The following ANKS1B variants were observed in gnomAD, a reference collection of about 807,000 sequenced individuals.
The protein encoded by ANKS1B is ankyrin repeat and sterile alpha motif domain containing 1B, also known as ankyrin repeat and sterile alpha motif domain-containing protein 1B.
ANKS1B carries 36 observed loss-of-function variants against 148.3 expected under a neutral mutation model. That is an observed-to-expected ratio of 0.24 (90% CI 0.19 to 0.32). The LOEUF (loss-of-function observed/expected upper bound fraction) is 0.32. ANKS1B is among the 10% of genes least tolerant of loss of function. ANKS1B has a pLI of 1.00. For synonymous variants in ANKS1B, 542 were observed against 560.8 expected (o/e 0.97, Z 0.47); for missense variants, 1,157 against 1,542.6 (o/e 0.75, Z 4.19).
chr12:99,098,409 G>A (rs916873473), intron 15 of ANKS1B, among the ~76,000 whole-genome samples: 7 of 152,034 alleles, frequency 4.6e-5, no homozygotes, highest in African/African-American at 7.2e-5. Context: ...TTAATAAAAA[G>A]AAAAGGAATT....
chr12:98,991,525 GTTTAATTTTGACTGTC>G (rs1384860929), intron 17 of ANKS1B, among the ~76,000 whole-genome samples: 1 of 152,154 alleles, frequency 6.6e-6, no homozygotes, highest in Non-Finnish European at 1.5e-5. Flanking sequence ...ACCATGTAAT[GTTTAATTTTGACTGTC>G]TTGCAAACGA....
At chr12:99,449,341 T>A (rs906760190) in intron 10 of ANKS1B, among the ~76,000 whole-genome samples, 4 of 152,160 alleles carry the variant, frequency 2.6e-5, no homozygotes, top group African/African-American at 9.6e-5. Context: ...TTCAACCTGT[T>A]GTTACAAGAT....
At chr12:99,697,309 A>T (rs2054085391) in intron 8 of ANKS1B, among the ~76,000 whole-genome samples, 1 of 152,320 alleles carries the variant, frequency 6.6e-6, no homozygotes, top group Non-Finnish European at 1.5e-5. Context: ...TTTATTCATA[A>T]TTACCCAAAC....
At chr12:99,024,578 T>A (rs925675528) in intron 17 of ANKS1B, among the ~76,000 whole-genome samples, 1 of 152,240 alleles carries the variant, frequency 6.6e-6, no homozygotes, top group Non-Finnish European at 1.5e-5. Context: ...ATATTTTGCA[T>A]CTTTTGCTGA....
At chr12:99,518,214 T>C (rs2096841348) in intron 9 of ANKS1B, among the ~76,000 whole-genome samples, 1 of 152,126 alleles carries the variant, frequency 6.6e-6, no homozygotes, top group African/African-American at 2.4e-5. Context: ...GGTATCAGGG[T>C]AATGCTGGTC....
intron 1 of ANKS1B, among the ~76,000 whole-genome samples, chr12:99,870,461 G>GT (rs1565897470): frequency 6.6e-6 from 1 of 152,166 alleles, no homozygotes; most frequent in East Asian, 1.9e-4. Context: ...ACCCAGTAAT[G>GT]TGATTGTTGA....
chr12:99,845,235 G>A (rs4614560), intron 1 of ANKS1B, among the ~76,000 whole-genome samples: 9,529 of 152,082 alleles, frequency 0.063, 333 homozygotes, highest in Middle Eastern at 0.15. Context: ...TTCTTTTGCC[G>A]GATTGCCCTG....
At chr12:99,799,952 G>C (rs115433131) in intron 4 of ANKS1B, among the ~76,000 whole-genome samples, 2,125 of 152,174 alleles carry the variant, frequency 0.014, 57 homozygotes, top group African/African-American at 0.049. Context: ...AAAACCAATA[G>C]AAGTGTTTTT....
intron 1 of ANKS1B, among the ~76,000 whole-genome samples, chr12:99,935,052 TA>T (rs575599111): frequency 1.4e-3 from 212 of 149,620 alleles, no homozygotes; most frequent in African/African-American, 5.1e-3. Context: ...ATAAATAAAT[TA>T]AAAAGCATAA....
At chr12:99,010,760 A>AT (rs970348105) in intron 17 of ANKS1B, among the ~76,000 whole-genome samples, 2 of 132,714 alleles carry the variant, frequency 1.5e-5, no homozygotes, top group Admixed American at 7.9e-5. Flanking sequence ...TATTATTATT[A>AT]TTTTTTTTTG....
chr12:99,477,370 G>A (rs1267515012), intron 10 of ANKS1B, among the ~76,000 whole-genome samples: 1 of 152,056 alleles, frequency 6.6e-6, no homozygotes, highest in East Asian at 1.9e-4. Context: ...CTCATTCAGA[G>A]GTCACTTTGG....
rs569956208 is a variant in ANKS1B at position 99,681,054 on chromosome 12, C to T, written c.1129-25844G>A. On this transcript the variant is annotated intron_variant, in intron 8 of 26. Transcript: ENST00000683438. Reference sequence around the variant, plus strand: ...ACCCGGCCTCCACTTGATGATTTTTCTCCACCTGCCCTGGTAGCCAAAGAC... The same window carrying T: ...ACCCGGCCTCCACTTGATGATTTTTTTCCACCTGCCCTGGTAGCCAAAGAC... Among the ~76,000 whole-genome samples the T allele has an allele frequency of 1.1e-3, 172 of 152,276 alleles. 1 individual carries two copies. Among genetic ancestry groups the T allele is most frequent in the Non-Finnish European group, 1.2e-3 (84 of 68,026 alleles).
At chr12:99,023,722 ATAGAT>A (rs2099947125) in intron 17 of ANKS1B, among the ~76,000 whole-genome samples, 1 of 151,706 alleles carries the variant, frequency 6.6e-6, no homozygotes, top group South Asian at 2.1e-4. Context: ...CTTATGAGAC[ATAGAT>A]TAAACATTAC....
intron 14 of ANKS1B, among the ~76,000 whole-genome samples, chr12:99,158,998 T>C (rs1314588285): frequency 6.6e-6 from 1 of 152,100 alleles, no homozygotes; most frequent in Non-Finnish European, 1.5e-5. Flanking sequence ...GAATAGAAAG[T>C]TCATCCCAGC....
At chr12:99,425,452 T>C (rs952869968) in intron 11 of ANKS1B, among the ~76,000 whole-genome samples, 1 of 151,954 alleles carries the variant, frequency 6.6e-6, no homozygotes, top group Admixed American at 6.6e-5. Flanking sequence ...GACAAGAAAG[T>C]ACTAGACGAA....
chr12:99,179,372 T>C (rs2078830260), intron 14 of ANKS1B, among the ~76,000 whole-genome samples: 1 of 132,208 alleles, frequency 7.6e-6, no homozygotes, highest in Non-Finnish European at 1.5e-5. Context: ...GAGCTTGCAG[T>C]GAGCCGAAAT....
At chr12:99,126,472 CT>C (rs2064377687) in intron 15 of ANKS1B, among the ~76,000 whole-genome samples, 4 of 152,102 alleles carry the variant, frequency 2.6e-5, no homozygotes, top group Admixed American at 2.6e-4. Flanking sequence ...ATATTCATTT[CT>C]TTCATATAGA....
At chr12:99,143,083 T>C (rs919389456) in intron 15 of ANKS1B, among the ~76,000 whole-genome samples, 1 of 152,156 alleles carries the variant, frequency 6.6e-6, no homozygotes, top group Non-Finnish European at 1.5e-5. Context: ...CCTTAAGACT[T>C]TGGAAGGACA....
Position 98,745,676 on chromosome 12 carries a change from G to GGAAA in ANKS1B, c.*59_*62dup. 6.3e-7 allele frequency: 1 copy of GGAAA among 1,593,000 alleles called. No homozygotes were observed. The highest frequency in any genetic ancestry group is 8.6e-7 in the Non-Finnish European group (1 of 1,169,300). On this transcript the variant is annotated 3_prime_UTR_variant, in exon 27 of 27. Coordinates refer to ENST00000683438, the MANE Select transcript of ANKS1B (RefSeq NM_001352186.2). The stretch of plus-strand genomic sequence containing the variant: ...GGCTGGGTGGACGCGGAGGCGCGAA[G>GGAAA]GAAAGCCTGCTCCGGGACCGCTTGG...
Sources: allele counts gnomAD v4.1 joint callset (sites outside exome capture counted in the v4.1 genomes callset), GRCh38; gene constraint gnomAD v4.1.1; transcripts MANE v1.5; gene names NCBI Gene and HGNC (gene_info 2026-07-23, HGNC 2026-07-21).